CCDC85A: variants seen among roughly 807,000 people sequenced by gnomAD.
CCDC85A encodes the protein coiled-coil domain containing 85A, also known as coiled-coil domain-containing protein 85A.
CCDC85A carries 38 observed loss-of-function variants against 50.2 expected under a neutral mutation model. The ratio of observed to expected loss-of-function variants is 0.76; its 90% CI spans 0.58 to 0.99. CCDC85A has a LOEUF of 0.99. Ranked by LOEUF, CCDC85A falls within the 50% of genes least tolerant of loss-of-function variation. CCDC85A has a pLI of 0.00. For missense variants in CCDC85A, 820 were observed against 742.0 expected, an observed-to-expected ratio of 1.11 and a Z score of -1.22; for synonymous variants, 366 against 301.4, an observed-to-expected ratio of 1.21 and a Z score of -2.22.
At chr2:56,227,266 A>G (rs1668581602) in intron 2 of CCDC85A, among the ~76,000 whole-genome samples, 1 of 152,078 alleles carries the variant, frequency 6.6e-6, no homozygotes, top group Non-Finnish European at 1.5e-5. Context: ...CTGTTTCTAT[A>G]CCCTTTCTAT....
At chr2:56,335,460 G>A (rs924636075) in intron 2 of CCDC85A, among the ~76,000 whole-genome samples, 2 of 152,122 alleles carry the variant, frequency 1.3e-5, no homozygotes, top group African/African-American at 2.4e-5. Context: ...CACAGACTGG[G>A]TGATTTATAG....
chr2:56,336,398 C>T (rs1355343843), intron 2 of CCDC85A, among the ~76,000 whole-genome samples: 2 of 152,158 alleles, frequency 1.3e-5, no homozygotes, highest in South Asian at 2.1e-4. Flanking sequence ...AGGTGATCTG[C>T]CTGCCTTGGC....
chr2:56,304,153 G>C (rs1672328005), intron 2 of CCDC85A, among the ~76,000 whole-genome samples: 1 of 152,098 alleles, frequency 6.6e-6, no homozygotes, highest in South Asian at 2.1e-4. Context: ...AGGAAATATG[G>C]CATGTTAACT....
intron 2 of CCDC85A, among the ~76,000 whole-genome samples, chr2:56,207,431 G>T (rs1304252120): frequency 2.0e-5 from 3 of 152,140 alleles, no homozygotes; most frequent in Non-Finnish European, 4.4e-5. Context: ...TTACAAAGCT[G>T]ACTTGAAAAC....
At chr2:56,340,281 G>T (rs1674289560) in intron 2 of CCDC85A, among the ~76,000 whole-genome samples, 1 of 152,138 alleles carries the variant, frequency 6.6e-6, no homozygotes, top group Non-Finnish European at 1.5e-5. Context: ...TAAAATAATT[G>T]TGTTTCCATG....
At chr2:56,279,380 C>A (rs1671103770) in intron 2 of CCDC85A, among the ~76,000 whole-genome samples, 1 of 152,024 alleles carries the variant, frequency 6.6e-6, no homozygotes, top group South Asian at 2.1e-4. Context: ...CATAACCCCC[C>A]AAAGAACCTC....
intron 3 of CCDC85A, among the ~76,000 whole-genome samples, chr2:56,368,571 A>G (rs1675919378): frequency 6.6e-6 from 1 of 152,126 alleles, no homozygotes; most frequent in Non-Finnish European, 1.5e-5. Context: ...AGTTTAACCA[A>G]GTTCAGGAAT....
At chr2:56,353,659 A>G (rs1418954982) in intron 3 of CCDC85A, among the ~76,000 whole-genome samples, 1 of 152,242 alleles carries the variant, frequency 6.6e-6, no homozygotes, top group Non-Finnish European at 1.5e-5. Context: ...GAATGCTGGT[A>G]CAGCCACCAT....
intron 2 of CCDC85A, among the ~76,000 whole-genome samples, chr2:56,303,349 T>C (rs1244754782): frequency 1.3e-5 from 2 of 152,182 alleles, no homozygotes; most frequent in Non-Finnish European, 2.9e-5. Flanking sequence ...TACTGGACGA[T>C]GAGAACCCAG....
chr2:56,217,158 C>G (rs756246522), intron 2 of CCDC85A, among the ~76,000 whole-genome samples: 2 of 151,870 alleles, frequency 1.3e-5, no homozygotes, highest in Non-Finnish European at 2.9e-5. Flanking sequence ...TTTTATCTAT[C>G]TCTCCCATGA....
chr2:56,262,690 C>G (rs918403575), intron 2 of CCDC85A, among the ~76,000 whole-genome samples: 2 of 152,182 alleles, frequency 1.3e-5, no homozygotes, highest in African/African-American at 4.8e-5. Context: ...GATCAGATCT[C>G]ATGCTCGAAG....
chr2:56,341,808 G>A (rs1165982693), intron 2 of CCDC85A, among the ~76,000 whole-genome samples: 1 of 152,142 alleles, frequency 6.6e-6, no homozygotes, highest in African/African-American at 2.4e-5. Flanking sequence ...AAAAACTTGG[G>A]TCTCTGTCAC....
intron 2 of CCDC85A, among the ~76,000 whole-genome samples, chr2:56,231,484 G>A (rs543786335): frequency 4.3e-4 from 66 of 152,236 alleles, no homozygotes; most frequent in South Asian, 6.2e-4. Flanking sequence ...CATTCTTAAA[G>A]GAAGGAACTT....
chr2:56,279,552 C>G (rs1472337401), intron 2 of CCDC85A, among the ~76,000 whole-genome samples: 1 of 152,138 alleles, frequency 6.6e-6, no homozygotes, highest in Non-Finnish European at 1.5e-5. Flanking sequence ...AATTATATAT[C>G]CTTTGATCAA....
chr2:56,184,266 CGGA>C lies in CCDC85A; in HGVS notation c.-354_-352del. On this transcript the variant is annotated 5_prime_UTR_variant, in exon 1 of 6. Coordinates refer to ENST00000407595, the MANE Select transcript of CCDC85A (RefSeq NM_001080433.2). ...GGGGGGCGACAGTCTCGGCTTAGGGCGGAGGAGAGGGCAGGGGAACGGCGGTGC... is the reference window on the plus strand; with the variant it reads ...GGGGGGCGACAGTCTCGGCTTAGGGCGGAGAGGGCAGGGGAACGGCGGTGC... 1 of 884,738 alleles carries C rather than the reference CGGA, an allele frequency of 1.1e-6. No homozygotes were observed. Among genetic ancestry groups the C allele is most frequent in the Non-Finnish European group, 1.4e-6 (1 of 723,230 alleles). The allele number at this position is 884,738 out of a possible 1,614,324, so 54.8% of individuals were successfully genotyped here.
chr2:56,314,102 G>T (rs1242011994), intron 2 of CCDC85A, among the ~76,000 whole-genome samples: 1 of 148,228 alleles, frequency 6.7e-6, no homozygotes, highest in Non-Finnish European at 1.5e-5. Flanking sequence ...AAGCAGAAAA[G>T]ACCAGGGACG....
In CCDC85A at chr2:56,277,314, T is replaced by A. The variant is rs576048868; in HGVS notation, c.1241-65565T>A. ...CATGATTAAGCCATTCAGAACAGAT[T>A]GTTGGTTGTTTTTCTCCTGAAAACT... On this transcript the variant is annotated intron_variant, in intron 2 of 5. Coordinates refer to ENST00000407595, the MANE Select transcript of CCDC85A (RefSeq NM_001080433.2). 1.8e-4 allele frequency among the ~76,000 whole-genome samples: 28 copies of A among 152,284 alleles called. No individual in the cohort carries two copies. In the East Asian group the frequency reaches 4.4e-3, roughly 24 times the overall value.
intron 2 of CCDC85A, among the ~76,000 whole-genome samples, chr2:56,247,509 C>T (rs867408985): frequency 6.6e-6 from 1 of 152,086 alleles, no homozygotes; most frequent in Admixed American, 6.5e-5. Flanking sequence ...TCATTGAGAC[C>T]ATTTAGGCTT....
intron 2 of CCDC85A, among the ~76,000 whole-genome samples, chr2:56,276,296 A>ATTT (rs559075781): frequency 6.6e-6 from 1 of 151,850 alleles, no homozygotes; most frequent in Non-Finnish European, 1.5e-5. Context: ...CTGGCTTTTT[A>ATTT]TTTTGCTTAC....
Sources: gnomAD v4.1 joint callset for allele counts (sites outside exome capture counted in the v4.1 genomes callset) on GRCh38, gnomAD v4.1.1 for gene constraint, MANE v1.5 for transcripts, NCBI Gene and HGNC (gene_info 2026-07-23, HGNC 2026-07-21) for gene names.